Variants in CYFIP2 observed in about 807,000 individuals in gnomAD.
CYFIP2 encodes cytoplasmic FMR1-interacting protein 2.
Under a neutral mutation model 158.7 loss-of-function variants are expected in CYFIP2, and 29 were observed. That is an observed-to-expected ratio of 0.18 (90% CI 0.14 to 0.25). CYFIP2 has a LOEUF of 0.25. Ranked by LOEUF, CYFIP2 falls within the 10% of genes least tolerant of loss-of-function variation. The pLI, the probability that CYFIP2 is intolerant of heterozygous loss-of-function variation, is 1.00. For missense variants in CYFIP2, 852 were observed against 1,639.5 expected (o/e 0.52, Z 8.29); for synonymous variants, 585 against 617.6 (o/e 0.95, Z 0.78).
chr5:157,348,015 C>T (rs1762816348), intron 23 of CYFIP2, among the ~76,000 whole-genome samples: 1 of 152,262 alleles, frequency 6.6e-6, no homozygotes, highest in South Asian at 2.1e-4. Context: ...TGCCCCAGGA[C>T]ATTACACCCC....
chr5:157,318,564 C>T (rs550152681), intron 13 of CYFIP2, among the ~76,000 whole-genome samples: 1 of 152,272 alleles, frequency 6.6e-6, no homozygotes, highest in Non-Finnish European at 1.5e-5. Context: ...GTTTTCATAC[C>T]AGTTCTATCT....
intron 10 of CYFIP2, among the ~76,000 whole-genome samples, chr5:157,310,772 C>T (rs1659073391): frequency 6.6e-6 from 1 of 152,190 alleles, no homozygotes; most frequent in Admixed American, 6.5e-5. Flanking sequence ...GAAGGGAGGC[C>T]TGAGGAAGGC....
Position 157,393,088 on chromosome 5 carries a change from A to AC in CYFIP2, c.*89dup. The AC allele has an allele frequency of 6.7e-7, 1 of 1,502,350 alleles. No homozygotes were observed. Among genetic ancestry groups the AC allele is most frequent in the Non-Finnish European group, 9.0e-7 (1 of 1,110,678 alleles). 93.1% of individuals were successfully genotyped at this position (1,502,350 alleles called of 1,614,324 possible). On this transcript the variant is annotated 3_prime_UTR_variant, in exon 31 of 31. Transcript: ENST00000620254. ...CCAGCCTGCCATAGGATCCAACTGGACAACGTGTGGGATGGACCTGGAAAC... is the reference window on the plus strand; with the variant it reads ...CCAGCCTGCCATAGGATCCAACTGGACCAACGTGTGGGATGGACCTGGAAAC...
chr5:157,312,927 G>C (rs1759858693), intron 11 of CYFIP2, among the ~76,000 whole-genome samples: 1 of 152,000 alleles, frequency 6.6e-6, no homozygotes, highest in South Asian at 2.1e-4. Context: ...GCCCAGGCTG[G>C]TCTTGTACTC....
chr5:157,344,102 A>C (rs1762503702), intron 23 of CYFIP2, among the ~76,000 whole-genome samples: 2 of 152,124 alleles, frequency 1.3e-5, no homozygotes, highest in Non-Finnish European at 2.9e-5. Context: ...ACTCTTTGGC[A>C]GCTGATCTCA....
At chr5:157,299,650 C>A (rs1323350927) in intron 5 of CYFIP2, among the ~76,000 whole-genome samples, 1 of 152,174 alleles carries the variant, frequency 6.6e-6, no homozygotes, top group African/African-American at 2.4e-5. Context: ...CCTGTAATCC[C>A]AGCACTTTGG....
intron 26 of CYFIP2, 49 bp from the exon 27 acceptor site, chr5:157,382,541 T>C (rs1159920062): frequency 1.9e-6 from 3 of 1,601,312 alleles, no homozygotes; most frequent in East Asian, 4.5e-5. Context: ...AAAATCTTCC[T>C]GGTTTAAAAT....
At chr5:157,379,242 C>CTA (rs1295278922) in intron 26 of CYFIP2, among the ~76,000 whole-genome samples, 1 of 152,082 alleles carries the variant, frequency 6.6e-6, no homozygotes, top group Non-Finnish European at 1.5e-5. Context: ...CTTGTCATAT[C>CTA]TATATGATTA....
chr5:157,360,313 C>T lies in CYFIP2; in HGVS notation c.2849C>T (p.Thr950Ile). ...LQGTILQYVK[T>I]LIEVMPKICR... Reference sequence around the variant, plus strand: ...GGAACCATTCTCCAGTATGTGAAAACACTGATAGAGGTGATGCCCAAGATA... The same window carrying T: ...GGAACCATTCTCCAGTATGTGAAAATACTGATAGAGGTGATGCCCAAGATA... Residue 950 changes from threonine (T) to isoleucine (I), a missense_variant, in exon 25 of 31, where the codon ACA becomes ATA. Thr to Ile is a moderately conservative substitution (Grantham distance 89, BLOSUM62 -1). Coordinates refer to ENST00000620254, the MANE Select transcript of CYFIP2 (RefSeq NM_001037333.3). 1 of 1,613,804 alleles carries T rather than the reference C, an allele frequency of 6.2e-7. No individual in the cohort carries two copies. Among genetic ancestry groups the T allele is most frequent in the South Asian group, 1.1e-5 (1 of 91,082 alleles).
At chr5:157,309,709 A>G (rs1376352550) in intron 9 of CYFIP2, 34 bp from the exon 10 acceptor site, 1 of 1,566,598 alleles carries the variant, frequency 6.4e-7, no homozygotes, top group Non-Finnish European at 8.7e-7. Flanking sequence ...ACCCCTCCTC[A>G]GCATCTCACG....
intron 2 of CYFIP2, among the ~76,000 whole-genome samples, chr5:157,286,579 T>TATATATATATA (rs1554106982): frequency 1.3e-5 from 2 of 148,228 alleles, no homozygotes; most frequent in African/African-American, 2.5e-5. Flanking sequence ...TATATATATA[T>TATATATATATA]TTAGCCTTTC....
intron 1 of CYFIP2, 80 bp from the exon 2 acceptor site, chr5:157,285,259 G>T: frequency 3.3e-6 from 3 of 921,042 alleles, no homozygotes; most frequent in Non-Finnish European, 5.1e-6. Flanking sequence ...TTCTCCCAAA[G>T]GATGCTGGTC....
chr5:157,295,127 T>A (rs911961018), intron 4 of CYFIP2, among the ~76,000 whole-genome samples: 8 of 152,202 alleles, frequency 5.3e-5, no homozygotes, highest in African/African-American at 1.9e-4. Flanking sequence ...CCAAAACCAC[T>A]GCAGAGGGTA....
intron 3 of CYFIP2, among the ~76,000 whole-genome samples, chr5:157,289,848 T>C (rs763053570): frequency 3.3e-5 from 5 of 152,204 alleles, no homozygotes; most frequent in Non-Finnish European, 7.3e-5. Context: ...TCTTTATCCT[T>C]AAAAGAGATA....
intron 23 of CYFIP2, among the ~76,000 whole-genome samples, chr5:157,355,888 C>G (rs888058558): frequency 1.3e-5 from 2 of 152,164 alleles, no homozygotes; most frequent in African/African-American, 4.8e-5. Flanking sequence ...GTCTTTGTCA[C>G]CTGGTGCCTG....
chr5:157,380,354 A>G (rs1278183044), intron 26 of CYFIP2, among the ~76,000 whole-genome samples: 1 of 152,248 alleles, frequency 6.6e-6, no homozygotes, highest in African/African-American at 2.4e-5. Context: ...GCTATGATCA[A>G]TTTTGTTTCA....
In CYFIP2 at chr5:157,368,908, T is replaced by TTG. The variant is rs1207131291; in HGVS notation, c.3039+7311_3039+7312insGT. 3.9e-4 allele frequency among the ~76,000 whole-genome samples: 59 copies of TTG among 151,454 alleles called. 1 individual carries two copies. Among genetic ancestry groups the TTG allele is most frequent in the African/African-American group, 1.1e-3 (45 of 41,250 alleles). ...AGAGGTTTTTTGTTTTTTTGTTTTT[T>TTG]TTTTTTTTGAGACAGAGTCTCACTC... On this transcript the variant is annotated intron_variant, in intron 26 of 30. Transcript: ENST00000620254.
chr5:157,296,659 A>C lies in CYFIP2; in HGVS notation c.286-14A>C, dbSNP rs367746407. On this transcript the variant is annotated splice_polypyrimidine_tract_variant and intron_variant, in intron 4 of 30. Transcript: ENST00000620254. ...TGTAAACCAGGATGTGTGTGTCCCC[A>C]TTATCCCCCACAGGTGAAATGCAAC... is the stretch of plus-strand genomic sequence containing the variant. 1 of 1,610,868 alleles carries C rather than the reference A, an allele frequency of 6.2e-7. No homozygotes were observed. Among genetic ancestry groups the C allele is most frequent in the Admixed American group, 1.7e-5 (1 of 59,942 alleles).
intron 16 of CYFIP2, among the ~76,000 whole-genome samples, chr5:157,324,333 G>C (rs1760840960): frequency 6.6e-6 from 1 of 152,204 alleles, no homozygotes; most frequent in South Asian, 2.1e-4. Flanking sequence ...GTCCTTAGTA[G>C]AGCGGGATCA....
Sources: allele counts gnomAD v4.1 joint callset (sites outside exome capture counted in the v4.1 genomes callset), GRCh38; gene constraint gnomAD v4.1.1; transcripts MANE v1.5; gene names NCBI Gene and HGNC (gene_info 2026-07-23, HGNC 2026-07-21).